THSD7A: variants seen among roughly 807,000 people sequenced by gnomAD.
THSD7A encodes thrombospondin type 1 domain containing 7A, also known as thrombospondin type-1 domain-containing protein 7A.
A neutral mutation model predicts 231.3 loss-of-function variants in THSD7A; 96 were observed. That is an observed-to-expected ratio of 0.41 (90% CI 0.35 to 0.49). The LOEUF (loss-of-function observed/expected upper bound fraction) is 0.49, where lower values mean the gene tolerates loss of function less well. Among genes scored for constraint, THSD7A ranks in the 20% least tolerant of loss-of-function variants. THSD7A has a pLI of 0.05. For synonymous variants in THSD7A, 940 were observed against 743.3 expected (o/e 1.26, Z -4.30); for missense variants, 2,290 against 2,070.2 (o/e 1.11, Z -2.06).
chr7:11,488,829 T>C lies in THSD7A; in HGVS notation c.1823-6847A>G, dbSNP rs564280801. On this transcript the variant is annotated intron_variant, in intron 6 of 27. Coordinates refer to ENST00000423059, the MANE Select transcript of THSD7A (RefSeq NM_015204.3). ...TCTCTACATTCTATCCACAGAAAGC[T>C]TTCATTTTTCCATGAACTGACATGC... is the stretch of plus-strand genomic sequence containing the variant. 2.2e-3 allele frequency among the ~76,000 whole-genome samples: 337 copies of C among 152,272 alleles called. 1 individual carries two copies. The highest frequency in any genetic ancestry group is 8.0e-3 in the African/African-American group (331 of 41,566).
intron 1 of THSD7A, among the ~76,000 whole-genome samples, chr7:11,779,706 T>C (rs566107214): frequency 5.9e-5 from 9 of 152,344 alleles, no homozygotes; most frequent in African/African-American, 1.9e-4. Context: ...TCTGAATGCA[T>C]CATTGTATTA....
rs1249691695 is a variant in THSD7A at position 11,632,486 on chromosome 7, T to TA, written c.1022+3643_1022+3644insT. 1.3e-5 allele frequency among the ~76,000 whole-genome samples: 2 copies of TA among 152,184 alleles called. No homozygotes were observed. Among genetic ancestry groups the TA allele is most frequent in the Admixed American group, 1.3e-4 (2 of 15,272 alleles). On this transcript the variant is annotated intron_variant, in intron 2 of 27. Transcript: ENST00000423059. The surrounding 1 kb of genome is among the most constrained non-coding windows in gnomAD (Gnocchi z 4.1). The stretch of plus-strand genomic sequence containing the variant: ...TTTTATTGTTTATATTTTCAATTGA[T>TA]TAGCTGGAGTATTCCAGAATTATCG...
Position 11,538,831 on chromosome 7 carries a change from T to C in THSD7A, c.1822+2588A>G, listed in dbSNP as rs554762227. Among the ~76,000 whole-genome samples, 19 of 152,114 alleles carry C rather than the reference T, an allele frequency of 1.2e-4. No individual in the cohort carries two copies. The South Asian group carries it at 3.9e-3, about 32-fold the overall frequency. On this transcript the variant is annotated intron_variant, in intron 6 of 27. Coordinates refer to ENST00000423059, the MANE Select transcript of THSD7A (RefSeq NM_015204.3). ...TACAACCCTCCCCAAGCCTCCTCCTTAGAAGGGAAATGGAAAAATGAACAG... is the reference window on the plus strand; with the variant it reads ...TACAACCCTCCCCAAGCCTCCTCCTCAGAAGGGAAATGGAAAAATGAACAG...
At chr7:11,460,351 A>AAAACAAAC (rs58099419) in intron 11 of THSD7A, among the ~76,000 whole-genome samples, 7 of 151,948 alleles carry the variant, frequency 4.6e-5, no homozygotes, top group African/African-American at 1.5e-4. Flanking sequence ...CCGTAATCTA[A>AAAACAAAC]AAACAAACAA....
intron 1 of THSD7A, among the ~76,000 whole-genome samples, chr7:11,790,285 C>T (rs1783912333): frequency 6.6e-6 from 1 of 151,730 alleles, no homozygotes; most frequent in African/African-American, 2.4e-5. Context: ...TAAATATATG[C>T]TCTATTTAAA....
intron 23 of THSD7A, among the ~76,000 whole-genome samples, chr7:11,386,113 T>C (rs1407783664): frequency 2.0e-5 from 3 of 152,202 alleles, no homozygotes; most frequent in Admixed American, 1.3e-4. Flanking sequence ...ACCTAGTCTA[T>C]CATTGATGGG....
At chr7:11,420,976 G>A (rs116512100) in intron 16 of THSD7A, among the ~76,000 whole-genome samples, 2,462 of 152,268 alleles carry the variant, frequency 0.016, 73 homozygotes, top group African/African-American at 0.056. Flanking sequence ...TGGAATGGGA[G>A]AATTGTATCT....
At chr7:11,735,732 G>A (rs567350287) in intron 1 of THSD7A, among the ~76,000 whole-genome samples, 15 of 152,014 alleles carry the variant, frequency 9.9e-5, no homozygotes, top group East Asian at 9.7e-4. Flanking sequence ...AGTTGAAACA[G>A]TCTAATATAA....
chr7:11,404,757 T>G (rs1168584248), intron 22 of THSD7A, among the ~76,000 whole-genome samples: 1 of 152,152 alleles, frequency 6.6e-6, no homozygotes, highest in Non-Finnish European at 1.5e-5. Context: ...ATTTTTAAAT[T>G]TTATTTTATT....
chr7:11,583,451 T>C (rs922934844), intron 4 of THSD7A, among the ~76,000 whole-genome samples: 3 of 151,992 alleles, frequency 2.0e-5, no homozygotes, highest in African/African-American at 7.2e-5. Context: ...AGTTTTTATA[T>C]TTTTTTGGTA....
intron 4 of THSD7A, among the ~76,000 whole-genome samples, chr7:11,564,768 T>G (rs989526110): frequency 6.6e-6 from 1 of 152,166 alleles, no homozygotes; most frequent in Admixed American, 6.5e-5. Flanking sequence ...AAATCACTCC[T>G]CATGTCATGA....
intron 1 of THSD7A, among the ~76,000 whole-genome samples, chr7:11,775,509 A>G (rs1377329084): frequency 6.6e-6 from 1 of 152,226 alleles, no homozygotes; most frequent in Non-Finnish European, 1.5e-5. Flanking sequence ...AAAATTATTC[A>G]GCCTTAAAAG....
At chr7:11,656,555 C>G (rs1401714840) in intron 1 of THSD7A, among the ~76,000 whole-genome samples, 1 of 151,830 alleles carries the variant, frequency 6.6e-6, no homozygotes, top group African/African-American at 2.4e-5. Flanking sequence ...TACACCTTGA[C>G]TCTAGGCATT....
intron 1 of THSD7A, among the ~76,000 whole-genome samples, chr7:11,647,883 C>T (rs956596999): frequency 2.0e-5 from 3 of 152,010 alleles, no homozygotes; most frequent in Non-Finnish European, 2.9e-5. Context: ...TACATAGCAC[C>T]CATCCCTGAT....
intron 6 of THSD7A, among the ~76,000 whole-genome samples, chr7:11,500,799 G>A (rs1453442565): frequency 6.6e-6 from 1 of 152,114 alleles, no homozygotes; most frequent in African/African-American, 2.4e-5. Context: ...AGCCAGGCGT[G>A]GTGGTGGGTG....
rs916433841 is a variant in THSD7A at position 11,406,787 on chromosome 7, T to G, written c.4062+123A>C. On this transcript the variant is annotated intron_variant, in intron 21 of 27. Coordinates refer to ENST00000423059, the MANE Select transcript of THSD7A (RefSeq NM_015204.3). The surrounding 1 kb of genome is among the most constrained non-coding windows in gnomAD (Gnocchi z 4.7). ...TAAAATGGCAAGTACATACAAATTT[T>G]AAGAAGCTTGTCATCTGTGAGCTCT... 1.3e-5 allele frequency: 16 copies of G among 1,249,960 alleles called. No individual in the cohort carries two copies. The highest frequency in any genetic ancestry group is 1.7e-5 in the Non-Finnish European group (16 of 925,762). 77.4% of individuals were successfully genotyped at this position (1,249,960 alleles called of 1,614,324 possible).
chr7:11,559,493 A>G (rs1789988836), intron 4 of THSD7A, among the ~76,000 whole-genome samples: 1 of 151,396 alleles, frequency 6.6e-6, no homozygotes, highest in African/African-American at 2.4e-5. Context: ...TTTTAAGGTA[A>G]TCCATACATA....
At chr7:11,565,349 C>G (rs887014123) in intron 4 of THSD7A, among the ~76,000 whole-genome samples, 1 of 152,144 alleles carries the variant, frequency 6.6e-6, no homozygotes, top group African/African-American at 2.4e-5. Flanking sequence ...TGAGCAACTC[C>G]AAATATAATT....
chr7:11,390,273 C>T (rs1006084915), intron 23 of THSD7A, among the ~76,000 whole-genome samples: 1 of 125,042 alleles, frequency 8.0e-6, no homozygotes, highest in Non-Finnish European at 1.8e-5. Context: ...TCACATAGTC[C>T]CATATTTCTT....
Sources: allele counts gnomAD v4.1 joint callset (sites outside exome capture counted in the v4.1 genomes callset), GRCh38; gene constraint gnomAD v4.1.1; non-coding constraint Gnocchi (gnomAD v3.1); transcripts MANE v1.5; gene names NCBI Gene and HGNC (gene_info 2026-07-23, HGNC 2026-07-21).